HHIPL1: variants seen among roughly 807,000 people sequenced by gnomAD.
The protein encoded by HHIPL1 is HHIP-like protein 1.
HHIPL1 carries 43 observed loss-of-function variants against 61.8 expected under a neutral mutation model. The ratio of observed to expected loss-of-function variants is 0.70; its 90% CI spans 0.55 to 0.90. HHIPL1 has a LOEUF of 0.90. Among genes scored for constraint, HHIPL1 ranks in the 40% least tolerant of loss-of-function variants. The pLI, the probability that HHIPL1 is intolerant of heterozygous loss-of-function variation, is 0.00. For missense variants in HHIPL1, 1,056 were observed against 1,157.7 expected, an observed-to-expected ratio of 0.91 and a Z score of 1.28; for synonymous variants, 482 against 515.8, an observed-to-expected ratio of 0.93 and a Z score of 0.89.
chr14:99,634,258 G>T, the HHIPL1 span, among the ~76,000 whole-genome samples: 1 of 152,160 alleles, frequency 6.6e-6, no homozygotes, highest in Admixed American at 6.5e-5. Context: ...GATGCCTGGG[G>T]CCTGGGGTGG....
chr14:99,660,545 G>A lies in HHIPL1; in HGVS notation c.1502+139G>A, dbSNP rs373729819. 9.5e-6 allele frequency: 10 copies of A among 1,050,766 alleles called. No homozygotes were observed. Among genetic ancestry groups the A allele is most frequent in the East Asian group, 2.5e-5 (1 of 40,784 alleles). 65.1% of individuals were successfully genotyped at this position (1,050,766 alleles called of 1,614,324 possible). A position where few individuals can be genotyped will look rare whatever the true frequency, so the allele number is the denominator to read the frequency against. ...CTCTGACAGGGGCCCCTAGGTGTGG[G>A]CCGGACACCCGCATCCACCCGCTTT... On this transcript the variant is annotated intron_variant, in intron 5 of 8. Transcript: ENST00000330710. This position sits in a 1 kb window ranked among gnomAD's most constrained non-coding sequence, Gnocchi z 4.9.
chr14:99,667,175 A>G (rs570681600), intron 6 of HHIPL1, among the ~76,000 whole-genome samples: 1 of 152,140 alleles, frequency 6.6e-6, no homozygotes, highest in East Asian at 1.9e-4. Context: ...AGGATGAGCC[A>G]TGTGTGCCTT....
intron 1 of HHIPL1, among the ~76,000 whole-genome samples, chr14:99,650,149 A>G (rs938746463): frequency 2.6e-5 from 4 of 152,226 alleles, no homozygotes; most frequent in African/African-American, 7.2e-5. Flanking sequence ...ACCAAAAGCC[A>G]CAATCATGTC....
the HHIPL1 span, among the ~76,000 whole-genome samples, chr14:99,632,349 T>C: frequency 6.6e-6 from 1 of 152,180 alleles, no homozygotes; most frequent in African/African-American, 2.4e-5. Flanking sequence ...GCTCACTCCC[T>C]CTGGGGGAAA....
chr14:99,637,768 C>T, the HHIPL1 span, among the ~76,000 whole-genome samples: 1 of 152,122 alleles, frequency 6.6e-6, no homozygotes, highest in Non-Finnish European at 1.5e-5. Flanking sequence ...CCTGTAATAG[C>T]TCCTGTTTTT....
chr14:99,654,865 A>T (rs1283191668), intron 2 of HHIPL1, among the ~76,000 whole-genome samples: 1 of 152,176 alleles, frequency 6.6e-6, no homozygotes, highest in Admixed American at 6.5e-5. Flanking sequence ...CAGAGGGGAG[A>T]TGGAGGGACA....
At chr14:99,659,315 T>C in intron 3 of HHIPL1, 113 bp from the exon 4 acceptor site, 1 of 801,078 alleles carries the variant, frequency 1.2e-6, no homozygotes, top group Non-Finnish European at 1.8e-6. Flanking sequence ...CAGCCTAGGC[T>C]CACCCTGCAC....
chr14:99,662,919 C>T lies in HHIPL1; in HGVS notation c.1546C>T (p.Gln516Ter). Residue 516 changes from glutamine to a stop codon, truncating the protein, a stop_gained, in exon 6 of 9, where the codon CAG (glutamine) becomes TAG (stop). Coordinates refer to ENST00000330710, the MANE Select transcript of HHIPL1 (RefSeq NM_001127258.3). LOFTEE classifies it high-confidence loss of function. ...AGAGAACCCAGGGACAGGCCAGTGGCAGTACAGTGAGATCTGCATGGGCCA... is the reference window on the plus strand; with the variant it reads ...AGAGAACCCAGGGACAGGCCAGTGGTAGTACAGTGAGATCTGCATGGGCCA... ...LQENPGTGQW[Q>*]YSEICMGHGQ... 2 of 1,613,458 alleles carry T rather than the reference C, an allele frequency of 1.2e-6. No individual in the cohort carries two copies. Among genetic ancestry groups the T allele is most frequent in the Non-Finnish European group, 1.7e-6 (2 of 1,179,794 alleles).
chr14:99,614,814 C>T, the HHIPL1 span, among the ~76,000 whole-genome samples: 6 of 152,216 alleles, frequency 3.9e-5, no homozygotes, highest in African/African-American at 7.2e-5. Context: ...GCCAGGATAG[C>T]GTTCACTTAA....
chr14:99,641,286 T>C (rs2055748262), upstream of HHIPL1, among the ~76,000 whole-genome samples: 1 of 152,208 alleles, frequency 6.6e-6, no homozygotes, highest in Non-Finnish European at 1.5e-5. Context: ...TCATTTCTTT[T>C]TCACTCCTGA....
intron 7 of HHIPL1, chr14:99,669,241 G>A (rs1009220612): frequency 7.4e-5 from 84 of 1,134,736 alleles, no homozygotes; most frequent in Non-Finnish European, 9.0e-5. Flanking sequence ...AGAGACTCAG[G>A]AACACTTGAT....
the HHIPL1 span, among the ~76,000 whole-genome samples, chr14:99,630,144 T>C: frequency 3.3e-5 from 5 of 152,226 alleles, no homozygotes; most frequent in Admixed American, 2.0e-4. Flanking sequence ...TGTGTGCCAG[T>C]CAGTGGCTAT....
upstream of HHIPL1, among the ~76,000 whole-genome samples, chr14:99,642,186 C>T (rs1407509782): frequency 3.3e-5 from 5 of 151,792 alleles, no homozygotes; most frequent in Admixed American, 1.3e-4. Context: ...GTGATCAGCC[C>T]GCCTCCACCT....
intron 6 of HHIPL1, among the ~76,000 whole-genome samples, chr14:99,666,534 G>T (rs1405612412): frequency 6.6e-6 from 1 of 152,214 alleles, no homozygotes; most frequent in Non-Finnish European, 1.5e-5. Flanking sequence ...GGGGCACCAT[G>T]CCCAGCCTGG....
At chr14:99,629,747 C>T in the HHIPL1 span, among the ~76,000 whole-genome samples, 2 of 152,198 alleles carry the variant, frequency 1.3e-5, no homozygotes, top group Non-Finnish European at 2.9e-5. Context: ...AGGTGATCTG[C>T]CCGCCTCAGC....
In HHIPL1 at chr14:99,651,020, G is replaced by A. The variant is rs145690429; in HGVS notation, c.256-1204G>A. On this transcript the variant is annotated intron_variant, in intron 1 of 8. Transcript: ENST00000330710. ...TCTCAGCACTATGGGAGGCTGAAGC[G>A]GGAAGATGGCTTGAGCTCAGGAGTT... 2.1e-3 allele frequency among the ~76,000 whole-genome samples: 321 copies of A among 152,322 alleles called. 2 individuals are homozygous for A. Among genetic ancestry groups the A allele is most frequent in the African/African-American group, 7.2e-3 (298 of 41,576 alleles).
chr14:99,654,202 AAAAAAAG>A lies in HHIPL1; in HGVS notation c.902+1347_902+1353del, dbSNP rs1323431245. On this transcript the variant is annotated intron_variant, in intron 2 of 8. Coordinates refer to ENST00000330710, the MANE Select transcript of HHIPL1 (RefSeq NM_001127258.3). ...AGACTCTGTCTCAAAAAAAAAAAAAAAAAAAAGAAAAAAGAAAAAAGGCAACCTGGGG... is the reference window on the plus strand; with the variant it reads ...AGACTCTGTCTCAAAAAAAAAAAAAAAAAAAAGAAAAAAGGCAACCTGGGG... Among the ~76,000 whole-genome samples, 4 of 151,222 alleles carry A rather than the reference AAAAAAAG, an allele frequency of 2.6e-5. No individual in the cohort carries two copies. In the East Asian group the frequency reaches 5.8e-4, roughly 22 times the overall value.
At chr14:99,657,740 TAC>T (rs1029249692) in intron 3 of HHIPL1, among the ~76,000 whole-genome samples, 4 of 150,234 alleles carry the variant, frequency 2.7e-5, no homozygotes, top group South Asian at 2.1e-4. Flanking sequence ...TATACACACA[TAC>T]ACACACAAAC....
chr14:99,659,699 C>A lies in HHIPL1; in HGVS notation c.1318C>A (p.Arg440Ser), dbSNP rs200765336. The A allele has an allele frequency of 2.0e-6, 3 of 1,485,514 alleles. No homozygotes were observed. Among genetic ancestry groups the A allele is most frequent in the East Asian group, 2.7e-5 (1 of 37,656 alleles). 92.0% of individuals were successfully genotyped at this position (1,485,514 alleles called of 1,614,324 possible). The change falls in exon 4 of 9, where the codon CGC becomes AGC. Residue 440 changes from arginine (R) to serine (S), a missense_variant. Transcript: ENST00000330710. ...VVERGGNYGW[R>S]AREGFECYDR... Reference sequence around the variant, plus strand: ...GGAGCGCGGCGGCAACTATGGCTGGCGCGCGCGCGAAGGGTTCGAGTGCTA... The same window carrying A: ...GGAGCGCGGCGGCAACTATGGCTGGAGCGCGCGCGAAGGGTTCGAGTGCTA...
Sources: allele counts gnomAD v4.1 joint callset (sites outside exome capture counted in the v4.1 genomes callset), GRCh38; gene constraint gnomAD v4.1.1; non-coding constraint Gnocchi (gnomAD v3.1); transcripts MANE v1.5; gene names NCBI Gene and HGNC (gene_info 2026-07-23, HGNC 2026-07-21).